Variants in ARHGEF4 observed in about 807,000 individuals in gnomAD.
ARHGEF4 encodes the protein APC-stimulated guanine nucleotide exchange factor 1.
In ARHGEF4, 119 loss-of-function variants were observed where a neutral mutation model predicts 162.0. The observed-to-expected ratio is 0.73, with a 90% CI of 0.63 to 0.86. ARHGEF4 has a LOEUF of 0.86. Ranked by LOEUF, ARHGEF4 falls within the 40% of genes least tolerant of loss-of-function variation. The probability of loss-of-function intolerance (pLI) is 0.00; values close to 1 mark genes in which losing one functional copy is unlikely to be tolerated. For missense variants in ARHGEF4, 2,488 were observed against 2,456.0 expected (o/e 1.01, Z -0.28); for synonymous variants, 1,014 against 979.9 (o/e 1.03, Z -0.65).
At chr2:130,882,304 GA>G (rs757828345) in intron 1 of ARHGEF4, among the ~76,000 whole-genome samples, 5 of 152,186 alleles carry the variant, frequency 3.3e-5, no homozygotes, top group Non-Finnish European at 7.4e-5. Flanking sequence ...GGCCTTGTCT[GA>G]GTCAGCTTGG....
chr2:130,934,790 C>T (rs1346593318), intron 3 of ARHGEF4, among the ~76,000 whole-genome samples: 8 of 152,108 alleles, frequency 5.3e-5, no homozygotes, highest in Non-Finnish European at 5.9e-5. Flanking sequence ...GTGATCTGCC[C>T]GCCTCAGCCT....
chr2:131,029,550 CCTT>C (rs1315679644), intron 5 of ARHGEF4, among the ~76,000 whole-genome samples: 1 of 60,822 alleles, frequency 1.6e-5, no homozygotes, highest in Admixed American at 2.7e-4. Flanking sequence ...TTGTGCTTTT[CCTT>C]TTTTTTTTTT....
chr2:131,045,930 C>T (rs1238492388), intron 13 of ARHGEF4, 108 bp from the exon 14 acceptor site: 12 of 1,502,948 alleles, frequency 8.0e-6, no homozygotes, highest in Non-Finnish European at 9.7e-6. Flanking sequence ...CTGCCTCCTA[C>T]GGCGGCTCTG....
chr2:130,967,450 G>A (rs1685079080), intron 4 of ARHGEF4, among the ~76,000 whole-genome samples: 1 of 152,154 alleles, frequency 6.6e-6, no homozygotes, highest in Non-Finnish European at 1.5e-5. Flanking sequence ...CTGACAAGCC[G>A]AATTCTCTCT....
intron 1 of ARHGEF4, among the ~76,000 whole-genome samples, chr2:130,879,258 G>T (rs1288100409): frequency 6.6e-6 from 1 of 152,152 alleles, no homozygotes; most frequent in African/African-American, 2.4e-5. Context: ...TATTAATTTG[G>T]AATTCTTCTG....
At chr2:130,898,270 C>T (rs1204648078) in intron 1 of ARHGEF4, among the ~76,000 whole-genome samples, 1 of 152,270 alleles carries the variant, frequency 6.6e-6, no homozygotes, top group African/African-American at 2.4e-5. Context: ...TGACAATGTG[C>T]CGGGCACCGC....
intron 3 of ARHGEF4, among the ~76,000 whole-genome samples, chr2:130,945,345 AAAG>A (rs1683544049): frequency 6.6e-6 from 1 of 152,078 alleles, no homozygotes; most frequent in Admixed American, 6.5e-5. Flanking sequence ...GAGATAGAAA[AAAG>A]AAACAAGGAT....
At chr2:131,039,207 C>G (rs531118035) in intron 6 of ARHGEF4, among the ~76,000 whole-genome samples, 175 bp downstream of exon 6, 1 of 152,198 alleles carries the variant, frequency 6.6e-6, no homozygotes, top group Non-Finnish European at 1.5e-5. Context: ...ACTCCTGCTC[C>G]CATTCCTCTT....
chr2:131,041,229 G>A lies in ARHGEF4; in HGVS notation c.4663-1G>A. On this transcript the variant is annotated splice_acceptor_variant, in intron 8 of 13. Coordinates refer to ENST00000409359, the MANE Select transcript of ARHGEF4 (RefSeq NM_001367493.1). LOFTEE classifies it high-confidence loss of function. ...TGCTAACCTCCAGCTGTGCCCCTTA[G>A]CAAGCCGACTTCCAGATCTACTCGG... The A allele has an allele frequency of 6.2e-7, 1 of 1,612,624 alleles. No homozygotes were observed. Among genetic ancestry groups the A allele is most frequent in the Non-Finnish European group, 8.5e-7 (1 of 1,179,406 alleles).
chr2:130,982,128 C>T (rs1224489576), intron 4 of ARHGEF4, among the ~76,000 whole-genome samples: 1 of 151,868 alleles, frequency 6.6e-6, no homozygotes, highest in Non-Finnish European at 1.5e-5. Context: ...CCTCCCTAGT[C>T]GCTGGGATTA....
chr2:130,908,009 T>C lies in ARHGEF4; in HGVS notation c.40-5977T>C, dbSNP rs1680944829. Among the ~76,000 whole-genome samples, 4 of 152,146 alleles carry C rather than the reference T, an allele frequency of 2.6e-5. No individual in the cohort carries two copies. The South Asian group carries it at 8.3e-4, about 32-fold the overall frequency. On this transcript the variant is annotated intron_variant, in intron 1 of 13. Coordinates refer to ENST00000409359, the MANE Select transcript of ARHGEF4 (RefSeq NM_001367493.1). ...CTTTCGTGTGAGTATAATTTTTCCATTCACTTTGGTAAGTATCTAAAAGTG... is the reference window on the plus strand; with the variant it reads ...CTTTCGTGTGAGTATAATTTTTCCACTCACTTTGGTAAGTATCTAAAAGTG...
At chr2:131,033,591 C>T (rs1280730845) in intron 5 of ARHGEF4, among the ~76,000 whole-genome samples, 1 of 152,204 alleles carries the variant, frequency 6.6e-6, no homozygotes, top group Non-Finnish European at 1.5e-5. Flanking sequence ...GGGTTCGAAG[C>T]CACACCCCAT....
intron 1 of ARHGEF4, among the ~76,000 whole-genome samples, chr2:130,893,748 C>T (rs1485694746): frequency 6.6e-6 from 1 of 152,176 alleles, no homozygotes; most frequent in Non-Finnish European, 1.5e-5. Flanking sequence ...CAGATGTGGT[C>T]CCAGTCCCCT....
intron 6 of ARHGEF4, chr2:131,039,562 G>A: frequency 9.7e-7 from 1 of 1,033,964 alleles, no homozygotes; most frequent in East Asian, 1.0e-4. Context: ...CGGCGGGGAG[G>A]TCCCAGGCCC....
rs1402471982 is a variant in ARHGEF4, at chr2:131,046,687, T to C, written c.*498T>C. 1 of 153,770 alleles carries C rather than the reference T, an allele frequency of 6.5e-6. No homozygotes were observed. Among genetic ancestry groups the C allele is most frequent in the Non-Finnish European group, 1.4e-5 (1 of 69,064 alleles). 9.5% of individuals were successfully genotyped at this position (153,770 alleles called of 1,614,324 possible). ...CAGTGGTGCCAGGCAGCTTGCCACT[T>C]GGGAGGGCAGAAGCCAGGAATTCCA... On this transcript the variant is annotated 3_prime_UTR_variant, in exon 14 of 14. Transcript: ENST00000409359.
intron 1 of ARHGEF4, among the ~76,000 whole-genome samples, chr2:130,903,650 G>A (rs1680643506): frequency 6.6e-6 from 1 of 152,202 alleles, no homozygotes; most frequent in Non-Finnish European, 1.5e-5. Context: ...TCTTGCCCAA[G>A]TAGTGAACAT....
intron 13 of ARHGEF4, 112 bp from the exon 14 acceptor site, chr2:131,045,926 C>CCTA: frequency 6.7e-7 from 1 of 1,501,442 alleles, no homozygotes; most frequent in South Asian, 1.3e-5. Flanking sequence ...AAAACTGCCT[C>CCTA]CTACGGCGGC....
intron 4 of ARHGEF4, among the ~76,000 whole-genome samples, chr2:130,955,832 A>G (rs1369424002): frequency 6.6e-6 from 1 of 152,152 alleles, no homozygotes; most frequent in Non-Finnish European, 1.5e-5. Flanking sequence ...TCCAGGCTAT[A>G]TGTCCATTAG....
In ARHGEF4 at chr2:130,945,133, G is replaced by C. The variant is rs146128742; in HGVS notation, c.3859-1376G>C. On this transcript the variant is annotated intron_variant, in intron 3 of 13. Coordinates refer to ENST00000409359, the MANE Select transcript of ARHGEF4 (RefSeq NM_001367493.1). ...GGGTCAGATCCACTCATACAGCTTG[G>C]GGGTAAGTGCGGGAACTCATACACA... 1.5e-3 allele frequency among the ~76,000 whole-genome samples: 232 copies of C among 152,128 alleles called. 3 individuals carry two copies. The East Asian group carries it at 0.043, about 28-fold the overall frequency.
Sources: allele counts gnomAD v4.1 joint callset (sites outside exome capture counted in the v4.1 genomes callset), GRCh38; gene constraint gnomAD v4.1.1; transcripts MANE v1.5; gene names NCBI Gene and HGNC (gene_info 2026-07-23, HGNC 2026-07-21).